PTPRM: variants seen among roughly 807,000 people sequenced by gnomAD.
PTPRM encodes receptor-type tyrosine-protein phosphatase mu.
In PTPRM, 47 loss-of-function variants were observed where a neutral mutation model predicts 186.7. That is an observed-to-expected ratio of 0.25 (90% CI 0.20 to 0.32). PTPRM has a LOEUF of 0.32. Ranked by LOEUF, PTPRM falls within the 10% of genes least tolerant of loss-of-function variation. The pLI, the probability that PTPRM is intolerant of heterozygous loss-of-function variation, is 1.00. For missense variants in PTPRM, 1,494 were observed against 1,865.0 expected (o/e 0.80, Z 3.66); for synonymous variants, 668 against 674.9 (o/e 0.99, Z 0.16).
At chr18:7,819,181 AC>A (rs1200337659) in intron 2 of PTPRM, among the ~76,000 whole-genome samples, 1 of 152,010 alleles carries the variant, frequency 6.6e-6, no homozygotes, top group South Asian at 2.1e-4. Context: ...CTTGGGCTTC[AC>A]CCCCAGGCCT....
intron 1 of PTPRM, among the ~76,000 whole-genome samples, chr18:7,674,368 T>C (rs767512087): frequency 6.6e-6 from 1 of 152,148 alleles, no homozygotes; most frequent in Non-Finnish European, 1.5e-5. Context: ...GTGATGGAAG[T>C]ACTTTGAGAT....
intron 7 of PTPRM, among the ~76,000 whole-genome samples, chr18:8,036,795 G>T (rs1209087350): frequency 1.3e-5 from 2 of 152,184 alleles, no homozygotes; most frequent in African/African-American, 2.4e-5. Flanking sequence ...TCGCTTGAGT[G>T]CACATGTAAT....
At chr18:8,311,309 CAA>C (rs576825540) in intron 20 of PTPRM, among the ~76,000 whole-genome samples, 3 of 127,450 alleles carry the variant, frequency 2.4e-5, no homozygotes, top group African/African-American at 5.8e-5. Flanking sequence ...AACTCCGTCT[CAA>C]AAAAAAAAAA....
chr18:7,863,366 C>A (rs2047496110), intron 2 of PTPRM, among the ~76,000 whole-genome samples: 1 of 152,048 alleles, frequency 6.6e-6, no homozygotes, highest in South Asian at 2.1e-4. Context: ...TCACCCCCGA[C>A]AGGCCCTGGA....
chr18:7,994,854 A>G (rs2083451821), intron 7 of PTPRM, among the ~76,000 whole-genome samples: 1 of 152,102 alleles, frequency 6.6e-6, no homozygotes, highest in Non-Finnish European at 1.5e-5. Context: ...AGTAATAAAT[A>G]CCTACATCAA....
intron 3 of PTPRM, among the ~76,000 whole-genome samples, chr18:7,892,990 A>G (rs993917102): frequency 3.9e-5 from 6 of 152,204 alleles, no homozygotes; most frequent in Non-Finnish European, 2.9e-5. Context: ...GAACTTGGGG[A>G]GTACACAAAC....
intron 1 of PTPRM, among the ~76,000 whole-genome samples, chr18:7,702,306 A>T (rs1247911709): frequency 6.6e-6 from 1 of 152,194 alleles, no homozygotes. Flanking sequence ...CACTCCCACC[A>T]ACAGTGTAAA....
chr18:7,955,526 C>T lies in PTPRM; in HGVS notation c.1132+112C>T, dbSNP rs570039135. The T allele has an allele frequency of 1.6e-4, 201 of 1,277,890 alleles. No individual in the cohort carries two copies. In the African/African-American group the frequency reaches 2.4e-3, roughly 15 times the overall value. The allele number at this position is 1,277,890 out of a possible 1,614,324, so 79.2% of individuals were successfully genotyped here. A position where few individuals can be genotyped will look rare whatever the true frequency, so the allele number is the denominator to read the frequency against. ...CTTCCCCTAGCTCTATCAAAACCTGCATATGAACAGAAAATGCCCTTAGCC... is the reference window on the plus strand; with the variant it reads ...CTTCCCCTAGCTCTATCAAAACCTGTATATGAACAGAAAATGCCCTTAGCC... On this transcript the variant is annotated intron_variant, in intron 7 of 32. Transcript: ENST00000580170.
chr18:8,176,468 C>T (rs1374496068), intron 14 of PTPRM, among the ~76,000 whole-genome samples: 1 of 152,140 alleles, frequency 6.6e-6, no homozygotes, highest in African/African-American at 2.4e-5. Context: ...TTTCTTTATT[C>T]ACAATGTCCC....
intron 3 of PTPRM, among the ~76,000 whole-genome samples, chr18:7,905,083 T>C (rs1344611935): frequency 6.6e-6 from 1 of 152,160 alleles, no homozygotes; most frequent in East Asian, 1.9e-4. Context: ...AACCTCCGCC[T>C]CCCAGATTCA....
chr18:8,126,255 A>C (rs1250475025), intron 13 of PTPRM, among the ~76,000 whole-genome samples: 3 of 150,870 alleles, frequency 2.0e-5, no homozygotes, highest in African/African-American at 4.9e-5. Context: ...ATTGTGAGTA[A>C]ATTTTGATTG....
chr18:8,161,145 C>CA, intron 14 of PTPRM, among the ~76,000 whole-genome samples: 1 of 152,164 alleles, frequency 6.6e-6, no homozygotes, highest in Non-Finnish European at 1.5e-5. Flanking sequence ...GAAGAGGTGA[C>CA]ATAGCATTCA....
At chr18:8,333,192 C>T (rs1220113874) in intron 22 of PTPRM, among the ~76,000 whole-genome samples, 1 of 152,186 alleles carries the variant, frequency 6.6e-6, no homozygotes, top group African/African-American at 2.4e-5. Context: ...CTTATACCCA[C>T]CCATCTCAAC....
chr18:8,228,744 T>C (rs1256578325), intron 14 of PTPRM, among the ~76,000 whole-genome samples: 2 of 151,274 alleles, frequency 1.3e-5, no homozygotes, highest in East Asian at 3.9e-4. Context: ...TCCCAGCTAC[T>C]TGGGAGGCTG....
At chr18:8,208,821 C>G (rs1361216449) in intron 14 of PTPRM, among the ~76,000 whole-genome samples, 1 of 152,200 alleles carries the variant, frequency 6.6e-6, no homozygotes, top group Non-Finnish European at 1.5e-5. Flanking sequence ...CAAGGCCTTA[C>G]TTTTGAGCAC....
At chr18:8,065,622 G>C (rs1317478534) in intron 7 of PTPRM, among the ~76,000 whole-genome samples, 1 of 152,186 alleles carries the variant, frequency 6.6e-6, no homozygotes, top group Non-Finnish European at 1.5e-5. Context: ...AGTGTGGCCA[G>C]AGGGTGTGAG....
At chr18:8,283,106 T>A (rs1034909998) in intron 19 of PTPRM, among the ~76,000 whole-genome samples, 1 of 152,092 alleles carries the variant, frequency 6.6e-6, no homozygotes, top group African/African-American at 2.4e-5. Context: ...ACAAGGAAGT[T>A]TTTTTGTGGT....
chr18:8,372,515 A>G (rs1225589985), intron 24 of PTPRM, among the ~76,000 whole-genome samples: 1 of 152,190 alleles, frequency 6.6e-6, no homozygotes, highest in Non-Finnish European at 1.5e-5. Context: ...TGCAGATCCA[A>G]ATTTGTCATA....
chr18:8,029,030 C>A (rs2085762580), intron 7 of PTPRM, among the ~76,000 whole-genome samples: 2 of 152,358 alleles, frequency 1.3e-5, no homozygotes, highest in East Asian at 1.9e-4. Context: ...AGGGCTGGGC[C>A]TTCCCTATGC....
Sources: allele counts gnomAD v4.1 joint callset (sites outside exome capture counted in the v4.1 genomes callset), GRCh38; gene constraint gnomAD v4.1.1; transcripts MANE v1.5; gene names NCBI Gene and HGNC (gene_info 2026-07-23, HGNC 2026-07-21).